Variants in TMEM242 observed in about 807,000 individuals in gnomAD.
TMEM242 encodes the protein UPF0463 transmembrane protein C6orf35.
Under a neutral mutation model 18.2 loss-of-function variants are expected in TMEM242, and 10 were observed. That is an observed-to-expected ratio of 0.55 (90% CI 0.34 to 0.93). TMEM242 has a LOEUF of 0.93. Ranked by LOEUF, TMEM242 falls within the 40% of genes least tolerant of loss-of-function variation. TMEM242 has a pLI of 0.02. For synonymous variants in TMEM242, 57 were observed against 69.9 expected, an observed-to-expected ratio of 0.81 and a Z score of 0.92; for missense variants, 186 against 175.5, an observed-to-expected ratio of 1.06 and a Z score of -0.34.
intron 3 of TMEM242, among the ~76,000 whole-genome samples, chr6:157,308,738 G>C (rs1554248094): frequency 6.6e-6 from 1 of 151,852 alleles, no homozygotes; most frequent in East Asian, 1.9e-4. Context: ...GAGAGATACA[G>C]GAAGAAAGAG....
intron 3 of TMEM242, among the ~76,000 whole-genome samples, chr6:157,317,891 T>C (rs1235893140): frequency 2.0e-5 from 3 of 152,186 alleles, no homozygotes; most frequent in African/African-American, 7.2e-5. Context: ...TCATCAACTT[T>C]ACCGCTGCCA....
intron 3 of TMEM242, among the ~76,000 whole-genome samples, chr6:157,311,019 T>G (rs1554248571): frequency 2.9e-5 from 4 of 136,282 alleles, no homozygotes; most frequent in Non-Finnish European, 3.1e-5. Context: ...TGCAGTCACC[T>G]AGCCTCATCA....
intron 3 of TMEM242, among the ~76,000 whole-genome samples, chr6:157,309,842 G>A (rs1777969897): frequency 6.7e-6 from 1 of 149,716 alleles, no homozygotes; most frequent in Non-Finnish European, 1.5e-5. Flanking sequence ...TATTACAGTT[G>A]AGGTTTCAGC....
At chr6:157,320,730 C>A (rs1778481966) in intron 2 of TMEM242, among the ~76,000 whole-genome samples, 1 of 152,206 alleles carries the variant, frequency 6.6e-6, no homozygotes, top group Non-Finnish European at 1.5e-5. Flanking sequence ...CTCAGCCTCC[C>A]AAAGTGCTGG....
intron 3 of TMEM242, among the ~76,000 whole-genome samples, chr6:157,300,848 T>C (rs782284938): frequency 1.8e-4 from 27 of 152,216 alleles, no homozygotes; most frequent in Non-Finnish European, 3.2e-4. Flanking sequence ...GGCAATGCAG[T>C]CCTCAATTAA....
intron 3 of TMEM242, among the ~76,000 whole-genome samples, chr6:157,313,155 T>TCATCATAGTGTCCCAGTGTGCGCTCACCC (rs1778248274): frequency 8.6e-4 from 3 of 3,494 alleles, no homozygotes; most frequent in Non-Finnish European, 1.9e-3. Flanking sequence ...TGCGCTCACC[T>TCATCATAGTGTCCCAGTGTGCGCTCACCC]GGCCTCATCA....
At chr6:157,299,608 A>G in intron 3 of TMEM242, 1 of 1,595,098 alleles carries the variant, frequency 6.3e-7, no homozygotes, top group Non-Finnish European at 8.6e-7. Flanking sequence ...TGGAAACAAT[A>G]ATCAGCTTGC....
intron 3 of TMEM242, among the ~76,000 whole-genome samples, chr6:157,295,145 C>T (rs1777735124): frequency 6.6e-6 from 1 of 152,140 alleles, no homozygotes; most frequent in African/African-American, 2.4e-5. Context: ...TTTTAGTTTA[C>T]ATATTCTGTC....
chr6:157,319,850 C>T (rs1434883174), intron 2 of TMEM242, among the ~76,000 whole-genome samples: 2 of 152,180 alleles, frequency 1.3e-5, no homozygotes, highest in African/African-American at 4.8e-5. Flanking sequence ...GGAAGAGTAC[C>T]ATGTTGGGCA....
intron 3 of TMEM242, among the ~76,000 whole-genome samples, chr6:157,315,768 T>C (rs1450141338): frequency 1.3e-5 from 2 of 152,276 alleles, no homozygotes; most frequent in African/African-American, 2.4e-5. Context: ...GTTCACATTC[T>C]ACCCATCTTC....
Position 157,289,686 on chromosome 6 carries a change from C to T in TMEM242, c.*3215G>A, listed in dbSNP as rs1158165174. ...TTAATTACTTTTATCCCCATGGGCTCCCCGTCCCCCCACCCCCACCTTAAT... is the reference window on the plus strand; with the variant it reads ...TTAATTACTTTTATCCCCATGGGCTTCCCGTCCCCCCACCCCCACCTTAAT... On this transcript the variant is annotated 3_prime_UTR_variant, in exon 4 of 4. Transcript: ENST00000400788. 1.3e-5 allele frequency: 2 copies of T among 151,774 alleles called. No individual in the cohort carries two copies. The highest frequency in any genetic ancestry group is 4.8e-5 in the African/African-American group (2 of 41,332). 9.4% of individuals were successfully genotyped at this position (151,774 alleles called of 1,614,324 possible). A position where few individuals can be genotyped will look rare whatever the true frequency, so the allele number is the denominator to read the frequency against.
chr6:157,321,457 C>A (rs1053652083), intron 2 of TMEM242, among the ~76,000 whole-genome samples: 4 of 152,152 alleles, frequency 2.6e-5, no homozygotes, highest in Admixed American at 2.6e-4. Flanking sequence ...ATGAAGGACA[C>A]AAGGACTTTC....
chr6:157,313,370 T>C (rs1554249732), intron 3 of TMEM242, among the ~76,000 whole-genome samples: 107 of 95,530 alleles, frequency 1.1e-3, no homozygotes, highest in Middle Eastern at 8.9e-3. Context: ...GGCCTCATCA[T>C]AGTGCCTCAG....
At chr6:157,313,066 G>GTGT (rs1778239174) in intron 3 of TMEM242, among the ~76,000 whole-genome samples, 5 of 127,376 alleles carry the variant, frequency 3.9e-5, no homozygotes, top group Admixed American at 1.6e-4. Flanking sequence ...CCTCATCATA[G>GTGT]GGTCCCAGTA....
intron 3 of TMEM242, among the ~76,000 whole-genome samples, chr6:157,311,682 C>T (rs1554248930): frequency 5.3e-5 from 5 of 94,628 alleles, no homozygotes; most frequent in African/African-American, 1.3e-4. Context: ...ATCATAGTGT[C>T]CCAGTGTGCA....
chr6:157,292,844 T>C lies in TMEM242; in HGVS notation c.*57A>G, dbSNP rs1777701845. 2.2e-6 allele frequency: 3 copies of C among 1,366,752 alleles called. No homozygotes were observed. Among genetic ancestry groups the C allele is most frequent in the East Asian group, 4.6e-5 (2 of 43,432 alleles). The allele number at this position is 1,366,752 out of a possible 1,614,324, so 84.7% of individuals were successfully genotyped here. ...AGTCCCAGTCCTTTTGCTGTCATGGTGTCTCCAGAGCCACCCCTTTCTGTA... is the reference window on the plus strand; with the variant it reads ...AGTCCCAGTCCTTTTGCTGTCATGGCGTCTCCAGAGCCACCCCTTTCTGTA... On this transcript the variant is annotated 3_prime_UTR_variant, in exon 4 of 4. Transcript: ENST00000400788.
intron 3 of TMEM242, among the ~76,000 whole-genome samples, chr6:157,309,010 A>G (rs1777954982): frequency 6.6e-6 from 1 of 152,256 alleles, no homozygotes; most frequent in Non-Finnish European, 1.5e-5. Flanking sequence ...TCTAAATGCC[A>G]TTGGCAGGAG....
intron 3 of TMEM242, among the ~76,000 whole-genome samples, chr6:157,308,075 G>C (rs1334937645): frequency 6.6e-6 from 1 of 152,098 alleles, no homozygotes; most frequent in Non-Finnish European, 1.5e-5. Flanking sequence ...TTTAATGTTT[G>C]ATCTAAGCCA....
At chr6:157,300,622 C>T (rs1418475437) in intron 3 of TMEM242, among the ~76,000 whole-genome samples, 3 of 152,102 alleles carry the variant, frequency 2.0e-5, no homozygotes, top group Non-Finnish European at 2.9e-5. Flanking sequence ...TGTATGGCGC[C>T]GGAGGCCTAT....
Sources: allele counts gnomAD v4.1 joint callset (sites outside exome capture counted in the v4.1 genomes callset), GRCh38; gene constraint gnomAD v4.1.1; transcripts MANE v1.5; gene names NCBI Gene and HGNC (gene_info 2026-07-23, HGNC 2026-07-21).